Variants in STAT4 observed in about 807,000 individuals in gnomAD.
STAT4 encodes the protein signal transducer and activator of transcription 4.
In STAT4, 42 loss-of-function variants were observed where a neutral mutation model predicts 110.5. That is an observed-to-expected ratio of 0.38 (90% CI 0.30 to 0.49). The LOEUF is 0.49. Among genes scored for constraint, STAT4 ranks in the 20% least tolerant of loss-of-function variants. The probability of loss-of-function intolerance (pLI) is 0.95; values close to 1 mark genes in which losing one functional copy is unlikely to be tolerated. For missense variants in STAT4, 632 were observed against 887.9 expected, an observed-to-expected ratio of 0.71 and a Z score of 3.66; for synonymous variants, 284 against 302.2, an observed-to-expected ratio of 0.94 and a Z score of 0.63.
intron 3 of STAT4, among the ~76,000 whole-genome samples, chr2:191,081,375 T>C (rs1697473522): frequency 6.6e-6 from 1 of 152,238 alleles, no homozygotes; most frequent in Admixed American, 6.5e-5. Context: ...GATTGCTGCG[T>C]CAAGTGGTAT....
In STAT4 at chr2:191,143,278, A is replaced by G. The variant is rs1699381676; in HGVS notation, c.273+3335T>C. 6.6e-6 allele frequency among the ~76,000 whole-genome samples: 1 copy of G among 152,180 alleles called. No individual in the cohort carries two copies. Among genetic ancestry groups the G allele is most frequent in the African/African-American group, 2.4e-5 (1 of 41,438 alleles). On this transcript the variant is annotated intron_variant, in intron 3 of 23. Coordinates refer to ENST00000392320, the MANE Select transcript of STAT4 (RefSeq NM_003151.4). This position sits in a 1 kb window ranked among gnomAD's most constrained non-coding sequence, Gnocchi z 5.6. ...GTTCTTGCTGCAGGTTTTAGAATCA[A>G]TTATCTCCATACTCCTAACATTTCT...
chr2:191,114,140 A>G (rs963868201), intron 3 of STAT4, among the ~76,000 whole-genome samples: 3 of 152,234 alleles, frequency 2.0e-5, no homozygotes, highest in African/African-American at 7.2e-5. Flanking sequence ...AATAATTTTC[A>G]GTGAACGTAA....
chr2:191,097,484 A>T (rs1698025542), intron 3 of STAT4, among the ~76,000 whole-genome samples: 1 of 152,174 alleles, frequency 6.6e-6, no homozygotes, highest in Admixed American at 6.5e-5. Flanking sequence ...CAACCATCTG[A>T]TCTTTGACAA....
Position 191,064,922 on chromosome 2 carries a change from T to G in STAT4, c.667A>C (p.Thr223Pro). 6.2e-7 allele frequency: 1 copy of G among 1,609,028 alleles called. No individual in the cohort carries two copies. Among genetic ancestry groups the G allele is most frequent in the South Asian group, 1.1e-5 (1 of 90,474 alleles). Residue 223 changes from threonine (T) to proline (P), a missense_variant, in exon 8 of 24, where the codon ACA becomes CCA. Thr to Pro is a conservative substitution (Grantham distance 38, BLOSUM62 -1). This residue lies in a region of STAT4 where 488 missense variants were observed against 632.8 expected (regional missense o/e 0.77). Transcript: ENST00000392320. ...LSKMTQIIHE[T>P]DLLMNTMLIE... ...AGCATGGTGTTCATTAACAGGTCTGTCTCATGGATGATTTGGGTCATTTTA... is the reference window on the plus strand; with the variant it reads ...AGCATGGTGTTCATTAACAGGTCTGGCTCATGGATGATTTGGGTCATTTTA...
chr2:191,079,768 T>C (rs1697412391), intron 3 of STAT4, among the ~76,000 whole-genome samples: 1 of 152,112 alleles, frequency 6.6e-6, no homozygotes, highest in Admixed American at 6.6e-5. Context: ...TACAGATTTT[T>C]AGAATAATTT....
Position 191,062,004 on chromosome 2 carries a change from A to G in STAT4, c.942-183T>C, listed in dbSNP as rs1696861446. 6.6e-6 allele frequency among the ~76,000 whole-genome samples: 1 copy of G among 152,212 alleles called. No homozygotes were observed. The highest frequency in any genetic ancestry group is 2.1e-4 in the South Asian group (1 of 4,830). On this transcript the variant is annotated intron_variant, in intron 9 of 23. Coordinates refer to ENST00000392320, the MANE Select transcript of STAT4 (RefSeq NM_003151.4). The surrounding 1 kb of genome is among the most constrained non-coding windows in gnomAD (Gnocchi z 4.9). ...TTTATAAATCATTTCACAGCAGTAA[A>G]TGATTCTTAATTGTTATAATTGAGT...
intron 3 of STAT4, among the ~76,000 whole-genome samples, chr2:191,088,073 A>G (rs2125300966): frequency 6.6e-6 from 1 of 152,324 alleles, no homozygotes; most frequent in South Asian, 2.1e-4. Flanking sequence ...TAAATTCTAT[A>G]CAAATAGGGA....
chr2:191,044,674 C>T (rs1276842072), intron 14 of STAT4, among the ~76,000 whole-genome samples: 17 of 152,132 alleles, frequency 1.1e-4, no homozygotes, highest in Non-Finnish European at 2.9e-5. Context: ...AACAACTACC[C>T]CACAATTGCA....
In STAT4 at chr2:191,031,904, T is replaced by C. The variant is rs1220903305; in HGVS notation, c.2045-388A>G. ...TCATTAAAATTGACACCAATCAGAATCTTATGATTGCAAACGTTCTTGAAG... is the reference window on the plus strand; with the variant it reads ...TCATTAAAATTGACACCAATCAGAACCTTATGATTGCAAACGTTCTTGAAG... On this transcript the variant is annotated intron_variant, in intron 21 of 23. Coordinates refer to ENST00000392320, the MANE Select transcript of STAT4 (RefSeq NM_003151.4). This position sits in a 1 kb window ranked among gnomAD's most constrained non-coding sequence, Gnocchi z 4.8. Among the ~76,000 whole-genome samples, 3 of 152,214 alleles carry C rather than the reference T, an allele frequency of 2.0e-5. No homozygotes were observed. Among genetic ancestry groups the C allele is most frequent in the Non-Finnish European group, 4.4e-5 (3 of 68,028 alleles).
rs1207380147 is a variant in STAT4 at position 191,037,994 on chromosome 2, A to G, written c.1434+1205T>C. On this transcript the variant is annotated intron_variant, in intron 16 of 23. Coordinates refer to ENST00000392320, the MANE Select transcript of STAT4 (RefSeq NM_003151.4). This position sits in a 1 kb window ranked among gnomAD's most constrained non-coding sequence, Gnocchi z 4.8. ...CTATAGCTCTAGATTCTCATCCTAG[A>G]GCCATGTAAATTTGGGATGATGGGT... Among the ~76,000 whole-genome samples, 1 of 152,216 alleles carries G rather than the reference A, an allele frequency of 6.6e-6. No homozygotes were observed. The highest frequency in any genetic ancestry group is 2.4e-5 in the African/African-American group (1 of 41,444).
chr2:191,132,046 C>T (rs1574188400), intron 3 of STAT4: 1 of 1,066,174 alleles, frequency 9.4e-7, no homozygotes, highest in Non-Finnish European at 1.2e-6. Context: ...TGAAGAGAAA[C>T]GTTTCTTAAG....
rs1444694485 is a variant in STAT4, at chr2:191,072,391, A to G, written c.465+707T>C. 2.6e-5 allele frequency among the ~76,000 whole-genome samples: 4 copies of G among 152,182 alleles called. No individual in the cohort carries two copies. In the East Asian group the frequency reaches 7.7e-4, roughly 29 times the overall value. On this transcript the variant is annotated intron_variant, in intron 5 of 23. Coordinates refer to ENST00000392320, the MANE Select transcript of STAT4 (RefSeq NM_003151.4). ...TAGGTCTGTCTGATTCTTTCTCACA[A>G]CAGTGTAAGCCCAGACTTTTGCATT...
chr2:191,139,628 T>C (rs937516304), intron 3 of STAT4, among the ~76,000 whole-genome samples: 2 of 152,120 alleles, frequency 1.3e-5, no homozygotes, highest in Non-Finnish European at 2.9e-5. Context: ...GGAAACACAT[T>C]TCATGCTCAT....
intron 14 of STAT4, 83 bp from the exon 15 acceptor site, chr2:191,041,231 T>A: frequency 7.2e-6 from 4 of 557,438 alleles, no homozygotes; most frequent in East Asian, 4.6e-5. Flanking sequence ...TAAATTAATA[T>A]ATTTATTAAT....
chr2:191,125,963 T>C (rs2125403687), intron 3 of STAT4, among the ~76,000 whole-genome samples: 1 of 152,306 alleles, frequency 6.6e-6, no homozygotes, highest in South Asian at 2.1e-4. Flanking sequence ...TTAAAATGGA[T>C]ACATTTGAAG....
At chr2:191,128,135 T>C (rs1698932534) in intron 3 of STAT4, among the ~76,000 whole-genome samples, 1 of 152,220 alleles carries the variant, frequency 6.6e-6, no homozygotes, top group South Asian at 2.1e-4. Context: ...ATTGACATCA[T>C]GGTATTATCT....
At chr2:191,049,456 G>C (rs563543266) in intron 14 of STAT4, among the ~76,000 whole-genome samples, 128 of 152,150 alleles carry the variant, frequency 8.4e-4, no homozygotes, top group African/African-American at 2.9e-3. Context: ...GATTACAGGC[G>C]TGAGCCACCA....
Position 191,061,755 on chromosome 2 carries a change from G to T in STAT4, c.1008C>A (p.Thr336=). 1 of 1,613,868 alleles carries T rather than the reference G, an allele frequency of 6.2e-7. No individual in the cohort carries two copies. The highest frequency in any genetic ancestry group is 1.1e-5 in the South Asian group (1 of 91,016). Residue 336 remains threonine (T), a synonymous_variant, in exon 10 of 24, where the codon ACC becomes ACA. Coordinates refer to ENST00000392320, the MANE Select transcript of STAT4 (RefSeq NM_003151.4). This position sits in a 1 kb window ranked among gnomAD's most constrained non-coding sequence, Gnocchi z 6.2. Reference sequence around the variant, plus strand: ...TTAGTTTTACAGTGAACTGAATTAGGGTTTTAAGTACCAACGGCCTCTGAG... The same window carrying T: ...TTAGTTTTACAGTGAACTGAATTAGTGTTTTAAGTACCAACGGCCTCTGAG... ...THPQRPLVLK[T]LIQFTVKLRL... is the part of the protein sequence containing the mutation.
intron 3 of STAT4, among the ~76,000 whole-genome samples, chr2:191,109,577 G>A (rs1296786153): frequency 3.9e-5 from 6 of 152,322 alleles, no homozygotes; most frequent in Middle Eastern, 3.4e-3. Context: ...GGGGTCATAT[G>A]CCTTGTTAAA....
Sources: allele counts gnomAD v4.1 joint callset (sites outside exome capture counted in the v4.1 genomes callset), GRCh38; gene constraint gnomAD v4.1.1; regional missense constraint gnomAD v4.1.1; non-coding constraint Gnocchi (gnomAD v3.1); transcripts MANE v1.5; gene names NCBI Gene and HGNC (gene_info 2026-07-23, HGNC 2026-07-21).